SPNS3: variants seen among roughly 807,000 people sequenced by gnomAD.
SPNS3 encodes protein spinster homolog 3.
In SPNS3, 51 loss-of-function variants were observed where a neutral mutation model predicts 54.4. The ratio of observed to expected loss-of-function variants is 0.94; its 90% confidence interval spans 0.75 to 1.18. The LOEUF is 1.18. SPNS3 is among the 50% of genes most tolerant of loss of function. The pLI, the probability that SPNS3 is intolerant of heterozygous loss-of-function variation, is 0.00. For missense variants in SPNS3, 669 were observed against 677.4 expected, an observed-to-expected ratio of 0.99 and a Z score of 0.14; for synonymous variants, 309 against 294.7, an observed-to-expected ratio of 1.05 and a Z score of -0.50.
In SPNS3 at chr17:4,448,258, G is replaced by A. The variant is rs1290310707; in HGVS notation, c.725G>A (p.Gly242Asp). The A allele has an allele frequency of 1.3e-6, 2 of 1,597,852 alleles. No individual in the cohort carries two copies. The highest frequency in any genetic ancestry group is 3.6e-5 in the Admixed American group (2 of 56,214). The change falls in exon 6 of 12, where the codon GGC (glycine) becomes GAC (aspartate). Residue 242 changes from glycine (G) to aspartate (D), a missense_variant. Transcript: ENST00000355530. Reference protein sequence around the residue: ...AETQGEGAVGGFRSSWCEDVR... With the variant: ...AETQGEGAVGDFRSSWCEDVR... ...ACACAGGGGGAGGGGGCCGTGGGAGGCTTCAGGAGCAGCTGGTGTGAGGAC... is the reference window on the plus strand; with the variant it reads ...ACACAGGGGGAGGGGGCCGTGGGAGACTTCAGGAGCAGCTGGTGTGAGGAC...
intron 8 of SPNS3, among the ~76,000 whole-genome samples, chr17:4,454,277 G>T (rs1971244747): frequency 6.6e-6 from 1 of 152,228 alleles, no homozygotes; most frequent in African/African-American, 2.4e-5. Context: ...CCCCAGCCCT[G>T]CCTGTCCCCC....
chr17:4,463,900 C>T (rs556435873), intron 8 of SPNS3, among the ~76,000 whole-genome samples: 6 of 152,226 alleles, frequency 3.9e-5, no homozygotes, highest in South Asian at 2.1e-4. Flanking sequence ...TATCTGTGCA[C>T]GAGCATGCAC....
chr17:4,467,691 C>G (rs1400797122), intron 8 of SPNS3, among the ~76,000 whole-genome samples: 2 of 152,172 alleles, frequency 1.3e-5, no homozygotes, highest in African/African-American at 4.8e-5. Flanking sequence ...TTATTTATGA[C>G]AGAATCTCGC....
At chr17:4,443,388 C>T (rs1361777769) in intron 2 of SPNS3, among the ~76,000 whole-genome samples, 1 of 152,178 alleles carries the variant, frequency 6.6e-6, no homozygotes, top group Non-Finnish European at 1.5e-5. Context: ...AGTTTTATAA[C>T]TTTTGGATAA....
At chr17:4,442,710 A>G (rs962815615) in intron 2 of SPNS3, among the ~76,000 whole-genome samples, 5 of 152,176 alleles carry the variant, frequency 3.3e-5, no homozygotes, top group Admixed American at 3.3e-4. Flanking sequence ...TGCTTTAAAT[A>G]TCAACTTATT....
intron 1 of SPNS3, among the ~76,000 whole-genome samples, chr17:4,435,786 G>T (rs1970700170): frequency 6.6e-6 from 1 of 152,162 alleles, no homozygotes; most frequent in South Asian, 2.1e-4. Context: ...CTGATCAGGG[G>T]CCAGGCGTGG....
At chr17:4,475,403 C>A (rs1381804905) in intron 8 of SPNS3, among the ~76,000 whole-genome samples, 1 of 152,170 alleles carries the variant, frequency 6.6e-6, no homozygotes, top group Admixed American at 6.5e-5. Flanking sequence ...AGTGCACTGG[C>A]CAGCGGCCAT....
intron 1 of SPNS3, among the ~76,000 whole-genome samples, chr17:4,438,360 C>G (rs1053907518): frequency 6.6e-6 from 1 of 152,224 alleles, no homozygotes; most frequent in African/African-American, 2.4e-5. Context: ...GACAGTCCCC[C>G]TCTTTTAGGA....
At chr17:4,480,913 G>T (rs372815117) in intron 9 of SPNS3, among the ~76,000 whole-genome samples, 1 of 152,182 alleles carries the variant, frequency 6.6e-6, no homozygotes, top group South Asian at 2.1e-4. Context: ...TGGCCTTCGG[G>T]GATCAGAGCT....
intron 1 of SPNS3, among the ~76,000 whole-genome samples, chr17:4,436,459 T>C (rs558803431): frequency 6.6e-6 from 1 of 151,320 alleles, no homozygotes; most frequent in South Asian, 2.1e-4. Context: ...CCAGGGACAG[T>C]GATGTCTTCA....
At chr17:4,460,557 G>C (rs1421728090) in intron 8 of SPNS3, among the ~76,000 whole-genome samples, 1 of 148,868 alleles carries the variant, frequency 6.7e-6, no homozygotes, top group African/African-American at 2.5e-5. Flanking sequence ...TCAGCCTCCC[G>C]AGTAGCTGGG....
At chr17:4,448,461 C>T (rs903473271) in intron 6 of SPNS3, among the ~76,000 whole-genome samples, 158 bp downstream of exon 6, 1 of 152,158 alleles carries the variant, frequency 6.6e-6, no homozygotes, top group Non-Finnish European at 1.5e-5. Context: ...AACTGAAGTG[C>T]CTCTCCCTCC....
intron 5 of SPNS3, among the ~76,000 whole-genome samples, 168 bp from the exon 6 acceptor site, chr17:4,447,987 A>G (rs996967998): frequency 4.6e-5 from 7 of 152,186 alleles, no homozygotes; most frequent in African/African-American, 1.4e-4. Context: ...ACAGTGGTAC[A>G]TCCTGCTCTG....
In SPNS3 at chr17:4,483,892, C is replaced by T. The variant is rs1220602846; in HGVS notation, c.1180-2336C>T. On this transcript the variant is annotated intron_variant, in intron 9 of 11. Transcript: ENST00000355530. This position sits in a 1 kb window ranked among gnomAD's most constrained non-coding sequence, Gnocchi z 4.2. ...CCCTGGGATTCTGGAATCCAGAGAT[C>T]GTGTCCCTGGGATCCTCCCTCCACA... Among the ~76,000 whole-genome samples, 3 of 152,160 alleles carry T rather than the reference C, an allele frequency of 2.0e-5. No individual in the cohort carries two copies. Among genetic ancestry groups the T allele is most frequent in the Non-Finnish European group, 2.9e-5 (2 of 68,020 alleles).
chr17:4,434,216 G>GGGCA, intron 1 of SPNS3, 50 bp downstream of exon 1: 1 of 1,517,242 alleles, frequency 6.6e-7, no homozygotes, highest in Non-Finnish European at 9.0e-7. Flanking sequence ...GTGCCCACCA[G>GGGCA]CCAGGGGCTG....
intron 8 of SPNS3, among the ~76,000 whole-genome samples, chr17:4,463,598 G>T (rs1014561595): frequency 2.6e-5 from 4 of 151,516 alleles, no homozygotes; most frequent in African/African-American, 7.3e-5. Flanking sequence ...ATTTAGCTGG[G>T]CGTGGCGGCA....
At chr17:4,480,749 G>A (rs1348381223) in intron 9 of SPNS3, among the ~76,000 whole-genome samples, 1 of 152,114 alleles carries the variant, frequency 6.6e-6, no homozygotes. Flanking sequence ...CCAGGGAGCC[G>A]GCTGGACAGG....
At chr17:4,444,543 G>A (rs566020699) in intron 2 of SPNS3, among the ~76,000 whole-genome samples, 11 of 151,902 alleles carry the variant, frequency 7.2e-5, no homozygotes, top group African/African-American at 1.7e-4. Flanking sequence ...ATTCTAAAGC[G>A]TCCTCATCTG....
intron 9 of SPNS3, chr17:4,482,208 C>T (rs12952341): frequency 0.33 from 49,851 of 152,084 alleles, 8,230 homozygotes; most frequent in African/African-American, 0.33. Context: ...TCTTTGATGC[C>T]ATCTCCACAA....
Sources: allele counts gnomAD v4.1 joint callset (sites outside exome capture counted in the v4.1 genomes callset), GRCh38; gene constraint gnomAD v4.1.1; non-coding constraint Gnocchi (gnomAD v3.1); transcripts MANE v1.5; gene names NCBI Gene and HGNC (gene_info 2026-07-23, HGNC 2026-07-21).